Variants in ASTN2 observed in about 807,000 individuals in gnomAD.
ASTN2 encodes the protein astrotactin 2.
ASTN2 carries 54 observed loss-of-function variants against 139.8 expected under a neutral mutation model. The ratio of observed to expected loss-of-function variants is 0.39; its 90% CI spans 0.31 to 0.48. ASTN2 has a LOEUF of 0.48. Ranked by LOEUF, ASTN2 falls within the 20% of genes least tolerant of loss-of-function variation. The pLI is 0.95. For missense variants in ASTN2, 1,565 were observed against 1,725.1 expected (o/e 0.91, Z 1.64); for synonymous variants, 756 against 719.5 (o/e 1.05, Z -0.81).
chr9:116,580,435 G>T (rs1853903093), intron 19 of ASTN2, among the ~76,000 whole-genome samples: 2 of 152,258 alleles, frequency 1.3e-5, no homozygotes, highest in African/African-American at 2.4e-5. Flanking sequence ...TTGATCAGGG[G>T]TTATTAGAAT....
At chr9:117,329,602 C>A (rs1828636603) in intron 1 of ASTN2, among the ~76,000 whole-genome samples, 1 of 152,048 alleles carries the variant, frequency 6.6e-6, no homozygotes, top group Non-Finnish European at 1.5e-5. Flanking sequence ...CTTAGTCAAC[C>A]AAATGACAAA....
Position 116,555,325 on chromosome 9 carries a change from AG to A in ASTN2, c.3355+62998del, listed in dbSNP as rs1292358817. Among the ~76,000 whole-genome samples the A allele has an allele frequency of 2.6e-5, 4 of 152,256 alleles. No homozygotes were observed. In the South Asian group the frequency reaches 6.2e-4, roughly 24 times the overall value. On this transcript the variant is annotated intron_variant, in intron 19 of 22. Coordinates refer to ENST00000313400, the MANE Select transcript of ASTN2 (RefSeq NM_001365068.1). The stretch of plus-strand genomic sequence containing the variant: ...AGAAGAGAGACAAGGCCAGCTGCAC[AG>A]GCTGGCCCACTTTCGCGCTGCTGAG...
chr9:117,146,214 C>T (rs548944187), intron 3 of ASTN2, among the ~76,000 whole-genome samples: 2 of 152,102 alleles, frequency 1.3e-5, no homozygotes, highest in Admixed American at 6.5e-5. Flanking sequence ...TCCTGGTACC[C>T]GCTGAGCTCT....
chr9:116,782,930 CTCACTAAGTA>C (rs1398646006), intron 13 of ASTN2, among the ~76,000 whole-genome samples: 2 of 152,178 alleles, frequency 1.3e-5, no homozygotes, highest in Admixed American at 6.6e-5. Flanking sequence ...TCGAATTTCA[CTCACTAAGTA>C]TCTTTCTTTT....
At chr9:116,654,387 G>A (rs1858093347) in intron 16 of ASTN2, among the ~76,000 whole-genome samples, 1 of 152,190 alleles carries the variant, frequency 6.6e-6, no homozygotes, top group South Asian at 2.1e-4. Context: ...TAGTTTACAG[G>A]TGGGGAAACT....
intron 2 of ASTN2, among the ~76,000 whole-genome samples, chr9:117,223,839 T>C (rs187566561): frequency 4.4e-4 from 67 of 152,318 alleles, no homozygotes; most frequent in African/African-American, 1.4e-3. Context: ...TACGGTGACC[T>C]ATTTAAGAAG....
chr9:116,933,965 G>T (rs1326605310), intron 10 of ASTN2, among the ~76,000 whole-genome samples: 2 of 81,622 alleles, frequency 2.5e-5, no homozygotes, highest in African/African-American at 4.3e-5. Context: ...CCTCAGTTGT[G>T]CGAAGTGTTA....
chr9:117,357,650 A>G (rs1829578397), intron 1 of ASTN2, among the ~76,000 whole-genome samples: 1 of 152,098 alleles, frequency 6.6e-6, no homozygotes. Context: ...AGAGTTTATT[A>G]TGGATCCTTG....
chr9:117,028,538 T>A (rs1303778222), intron 6 of ASTN2, among the ~76,000 whole-genome samples: 2 of 152,122 alleles, frequency 1.3e-5, no homozygotes, highest in Non-Finnish European at 2.9e-5. Flanking sequence ...TCAAGGTCCC[T>A]CTTCAGCTGG....
intron 10 of ASTN2, among the ~76,000 whole-genome samples, chr9:116,905,296 C>T (rs563961770): frequency 3.3e-5 from 5 of 152,224 alleles, no homozygotes; most frequent in South Asian, 4.1e-4. Flanking sequence ...GATACAAAAG[C>T]GGCATTTGTA....
In ASTN2 at chr9:117,331,197, A is replaced by T. The variant is rs541154973; in HGVS notation, c.443-39684T>A. Among the ~76,000 whole-genome samples, 75 of 152,316 alleles carry T rather than the reference A, an allele frequency of 4.9e-4. 3 individuals are homozygous for T. In the South Asian group the frequency reaches 0.013, roughly 27 times the overall value. On this transcript the variant is annotated intron_variant, in intron 1 of 22. Coordinates refer to ENST00000313400, the MANE Select transcript of ASTN2 (RefSeq NM_001365068.1). ...CTGTAAGTTGGAGGCAGAGTCTCAC[A>T]CTGATGGTCAAGCTGAAGTGTGGAA...
intron 10 of ASTN2, among the ~76,000 whole-genome samples, chr9:116,947,106 T>A (rs188748712): frequency 6.6e-6 from 1 of 152,254 alleles, no homozygotes; most frequent in East Asian, 1.9e-4. Flanking sequence ...TTCTACCTGA[T>A]GTGTATTTTG....
At chr9:117,020,729 T>C (rs1447562793) in intron 6 of ASTN2, among the ~76,000 whole-genome samples, 1 of 152,120 alleles carries the variant, frequency 6.6e-6, no homozygotes, top group African/African-American at 2.4e-5. Flanking sequence ...GTGAGTTTTC[T>C]AAGGAAGAAT....
chr9:117,050,955 A>G (rs985701682), intron 5 of ASTN2, among the ~76,000 whole-genome samples: 2 of 152,178 alleles, frequency 1.3e-5, no homozygotes, highest in East Asian at 1.9e-4. Context: ...TACTTTTCCA[A>G]CATATCTAAG....
intron 6 of ASTN2, among the ~76,000 whole-genome samples, chr9:117,030,912 T>C (rs1288775461): frequency 2.0e-5 from 3 of 152,316 alleles, no homozygotes; most frequent in African/African-American, 7.2e-5. Context: ...CTCATTTTAA[T>C]TCTGACTGAA....
chr9:116,531,536 C>G (rs1358422552), intron 19 of ASTN2, among the ~76,000 whole-genome samples: 1 of 137,488 alleles, frequency 7.3e-6, no homozygotes, highest in Admixed American at 7.3e-5. Context: ...CCACGACAGG[C>G]CCCGGTGTTT....
chr9:116,950,104 C>A (rs1485490950), intron 10 of ASTN2, among the ~76,000 whole-genome samples: 1 of 152,024 alleles, frequency 6.6e-6, no homozygotes, highest in Non-Finnish European at 1.5e-5. Flanking sequence ...CTAGAAGAGG[C>A]CAAGCTTTCT....
intron 13 of ASTN2, among the ~76,000 whole-genome samples, chr9:116,803,681 C>G (rs1436748633): frequency 1.3e-5 from 2 of 151,046 alleles, no homozygotes; most frequent in Admixed American, 1.3e-4. Flanking sequence ...CCTGCCACTA[C>G]GCCTGGCTAT....
At chr9:116,441,161 A>C (rs1302532739) in intron 21 of ASTN2, among the ~76,000 whole-genome samples, 2 of 152,140 alleles carry the variant, frequency 1.3e-5, no homozygotes, top group Non-Finnish European at 2.9e-5. Flanking sequence ...GGATAATCTC[A>C]ACACCCTCCT....
Sources: gnomAD v4.1 joint callset for allele counts (sites outside exome capture counted in the v4.1 genomes callset) on GRCh38, gnomAD v4.1.1 for gene constraint, MANE v1.5 for transcripts, NCBI Gene and HGNC (gene_info 2026-07-23, HGNC 2026-07-21) for gene names.